Variants in TEX10 observed in about 807,000 individuals in gnomAD.
The protein encoded by TEX10 is testis-expressed protein 10.
In TEX10, 24 loss-of-function variants were observed where a neutral mutation model predicts 104.4. The observed-to-expected ratio is 0.23, with a 90% CI of 0.17 to 0.32. TEX10 has a LOEUF of 0.32. TEX10 is among the 10% of genes least tolerant of loss of function. TEX10 has a pLI of 1.00. For missense variants in TEX10, 921 were observed against 1,083.9 expected (o/e 0.85, Z 2.11); for synonymous variants, 396 against 393.4 (o/e 1.01, Z -0.08).
intron 4 of TEX10, among the ~76,000 whole-genome samples, chr9:100,344,834 G>A (rs755308782): frequency 2.0e-5 from 3 of 152,102 alleles, no homozygotes; most frequent in Non-Finnish European, 4.4e-5. Context: ...CAACAAGAGC[G>A]AAACTATGTC....
chr9:100,339,074 T>C lies in TEX10; in HGVS notation c.1250+1183A>G, dbSNP rs535160051. Among the ~76,000 whole-genome samples, 28 of 150,862 alleles carry C rather than the reference T, an allele frequency of 1.9e-4. No individual in the cohort carries two copies. The South Asian group carries it at 2.5e-3, about 14-fold the overall frequency. ...TTCAAGACCAGCCTGGCCAATATGG[T>C]GAAACCCTGTCTCTACTAAAAATAC... On this transcript the variant is annotated intron_variant, in intron 5 of 14. Transcript: ENST00000374902.
chr9:100,332,746 G>C (rs969251153), intron 5 of TEX10, among the ~76,000 whole-genome samples: 1 of 151,918 alleles, frequency 6.6e-6, no homozygotes, highest in Non-Finnish European at 1.5e-5. Flanking sequence ...GCGTGAACCC[G>C]GGAGGTGGAG....
chr9:100,323,908 G>A (rs1332956582), intron 9 of TEX10, among the ~76,000 whole-genome samples: 1 of 152,162 alleles, frequency 6.6e-6, no homozygotes, highest in Non-Finnish European at 1.5e-5. Context: ...AAGCAACATT[G>A]TAAGAGTATA....
At chr9:100,310,520 C>G in intron 11 of TEX10, 141 bp from the exon 12 acceptor site, 1 of 706,916 alleles carries the variant, frequency 1.4e-6, no homozygotes, top group Non-Finnish European at 2.3e-6. Context: ...CTCACCGCAA[C>G]CCCCGTGACC....
intron 14 of TEX10, among the ~76,000 whole-genome samples, chr9:100,302,893 C>G (rs978905415): frequency 6.6e-6 from 1 of 151,736 alleles, no homozygotes; most frequent in Non-Finnish European, 1.5e-5. Flanking sequence ...AAGGGATAAT[C>G]TGCCAATCAA....
chr9:100,324,205 G>A (rs1436205544), intron 9 of TEX10, among the ~76,000 whole-genome samples: 2 of 151,974 alleles, frequency 1.3e-5, no homozygotes, highest in East Asian at 1.9e-4. Flanking sequence ...GCTAATTTTT[G>A]TATTTTTAAT....
chr9:100,317,930 T>C (rs1834462252), intron 11 of TEX10, among the ~76,000 whole-genome samples: 1 of 152,062 alleles, frequency 6.6e-6, no homozygotes, highest in African/African-American at 2.4e-5. Flanking sequence ...CACAAAAAGA[T>C]ATCATCTCAT....
intron 11 of TEX10, among the ~76,000 whole-genome samples, chr9:100,319,243 T>C (rs1308560213): frequency 1.3e-5 from 2 of 152,036 alleles, no homozygotes; most frequent in African/African-American, 4.8e-5. Context: ...CAAAAAACTT[T>C]TTAAAGTCAG....
At chr9:100,320,167 G>T in intron 11 of TEX10, 98 bp downstream of exon 11, 1 of 1,134,236 alleles carries the variant, frequency 8.8e-7, no homozygotes. Flanking sequence ...AAGTATCTTT[G>T]AAAAGATCTC....
At position 100,303,689 on chromosome 9, in the gene TEX10, G is replaced by T. The variant is rs191855673; in HGVS notation, c.2619C>A (p.Leu873=). 47 of 1,614,100 alleles carry T rather than the reference G, an allele frequency of 2.9e-5. 2 individuals carry two copies. In the East Asian group the frequency reaches 1.0e-3, roughly 36 times the overall value. ...TCGCATTGGTCAACATATGAGTCCT[G>T]AGGGGTGCATGCTGAAGCAGCAGTC... ...LLRLLLQHAP[L]RTHMLTNAIL... is the part of the protein sequence containing the mutation. The change falls in exon 14 of 15, where the codon CTC becomes CTA. Residue 873 remains leucine, a synonymous_variant. Coordinates refer to ENST00000374902, the MANE Select transcript of TEX10 (RefSeq NM_017746.4).
chr9:100,308,869 T>G (rs965526834), intron 12 of TEX10, among the ~76,000 whole-genome samples, 188 bp from the exon 13 acceptor site: 2 of 152,226 alleles, frequency 1.3e-5, no homozygotes, highest in Non-Finnish European at 2.9e-5. Context: ...CTAAATTATA[T>G]GACTTTGAAA....
chr9:100,344,800 C>T (rs893132707), intron 4 of TEX10, among the ~76,000 whole-genome samples: 2 of 152,118 alleles, frequency 1.3e-5, no homozygotes, highest in South Asian at 2.1e-4. Flanking sequence ...GAGCCAAGAT[C>T]GTGCCACTGT....
intron 5 of TEX10, among the ~76,000 whole-genome samples, chr9:100,335,132 G>A (rs1010825002): frequency 2.0e-5 from 3 of 152,164 alleles, no homozygotes; most frequent in Non-Finnish European, 4.4e-5. Flanking sequence ...TCTTTGATAT[G>A]CAGCAGAAAT....
chr9:100,311,049 T>C (rs1489438149), intron 11 of TEX10, among the ~76,000 whole-genome samples: 1 of 152,168 alleles, frequency 6.6e-6, no homozygotes, highest in Admixed American at 6.5e-5. Context: ...ACTATGACTT[T>C]AAGCAAAACA....
chr9:100,330,651 A>G (rs1055303082), intron 5 of TEX10, among the ~76,000 whole-genome samples: 3 of 152,232 alleles, frequency 2.0e-5, no homozygotes, highest in African/African-American at 7.2e-5. Flanking sequence ...ATTTGAAACA[A>G]TTTTATAATT....
At chr9:100,325,524 G>A (rs190116261) in intron 9 of TEX10, among the ~76,000 whole-genome samples, 21 of 152,202 alleles carry the variant, frequency 1.4e-4, no homozygotes, top group Admixed American at 4.6e-4. Context: ...CTTGTCTCTT[G>A]AAATATTAAA....
In TEX10 at chr9:100,327,861, A is replaced by T; in HGVS notation, c.1727T>A (p.Ile576Asn). 6.2e-7 allele frequency: 1 copy of T among 1,608,980 alleles called. No individual in the cohort carries two copies. The highest frequency in any genetic ancestry group is 8.5e-7 in the Non-Finnish European group (1 of 1,176,418). The change falls in exon 8 of 15, where the codon ATC (isoleucine) becomes AAC (asparagine). Residue 576 changes from isoleucine (I) to asparagine (N), a missense_variant. Ile to Asn is a moderately radical substitution (Grantham distance 149, BLOSUM62 -3). This residue lies in a region of TEX10 where 753 missense variants were observed against 868.4 expected (regional missense o/e 0.87). Coordinates refer to ENST00000374902, the MANE Select transcript of TEX10 (RefSeq NM_017746.4). Reference sequence around the variant, plus strand: ...TGCTCGTGCTGCAGCGGTATGAATGATATCGATAAGCTGTGTAGAGAGCTC... The same window carrying T: ...TGCTCGTGCTGCAGCGGTATGAATGTTATCGATAAGCTGTGTAGAGAGCTC... ...NPELSTQLID[I>N]IHTAAARANK...
chr9:100,352,302 G>A (rs1164765592), intron 1 of TEX10: 3 of 1,514,450 alleles, frequency 2.0e-6, no homozygotes, highest in Non-Finnish European at 2.7e-6. Flanking sequence ...CAGAAAACTG[G>A]TAGTCCCCTT....
intron 5 of TEX10, among the ~76,000 whole-genome samples, chr9:100,337,774 C>G (rs1835048560): frequency 6.6e-6 from 1 of 152,204 alleles, no homozygotes; most frequent in African/African-American, 2.4e-5. Context: ...GCTATCTCCT[C>G]TAGTTACAAA....
Sources: allele counts gnomAD v4.1 joint callset (sites outside exome capture counted in the v4.1 genomes callset), GRCh38; gene constraint gnomAD v4.1.1; regional missense constraint gnomAD v4.1.1; transcripts MANE v1.5; gene names NCBI Gene and HGNC (gene_info 2026-07-23, HGNC 2026-07-21).